DPH6: variants seen among roughly 807,000 people sequenced by gnomAD.
DPH6 encodes the protein diphthine--ammonia ligase.
DPH6 carries 33 observed loss-of-function variants against 38.2 expected under a neutral mutation model. That is an observed-to-expected ratio of 0.86 (90% confidence interval 0.65 to 1.15). The LOEUF (loss-of-function observed/expected upper bound fraction) is 1.15, where lower values mean the gene tolerates loss of function less well. Among genes scored for constraint, DPH6 ranks in the 50% most tolerant of loss-of-function variants. The pLI is 0.00. For synonymous variants in DPH6, 108 were observed against 103.0 expected (o/e 1.05, Z -0.30); for missense variants, 325 against 320.0 (o/e 1.02, Z -0.12).
chr15:35,479,656 C>G (rs1385468934), intron 3 of DPH6, among the ~76,000 whole-genome samples: 1 of 152,024 alleles, frequency 6.6e-6, no homozygotes, highest in Non-Finnish European at 1.5e-5. Flanking sequence ...CTGCCTCTTG[C>G]GATCCCCAGG....
At chr15:35,306,671 T>C (rs1224404706) in intron 3 of DPH6, among the ~76,000 whole-genome samples, 1 of 152,232 alleles carries the variant, frequency 6.6e-6, no homozygotes. Flanking sequence ...TAACCTCCCA[T>C]TCTGAGGCTA....
intron 3 of DPH6, among the ~76,000 whole-genome samples, chr15:35,503,648 G>A (rs1369772571): frequency 6.6e-6 from 1 of 152,004 alleles, no homozygotes; most frequent in Non-Finnish European, 1.5e-5. Context: ...TCAATTGATT[G>A]TTCCTTTTCT....
intron 5 of DPH6, among the ~76,000 whole-genome samples, chr15:35,419,460 T>C (rs757954911): frequency 6.6e-6 from 1 of 152,112 alleles, no homozygotes; most frequent in Non-Finnish European, 1.5e-5. Context: ...TTCTTTGCTT[T>C]GAATGTAAAT....
intron 7 of DPH6, among the ~76,000 whole-genome samples, chr15:35,375,229 C>T (rs1203481806): frequency 1.3e-5 from 2 of 152,040 alleles, no homozygotes; most frequent in Admixed American, 6.6e-5. Flanking sequence ...CTTAAATGAT[C>T]TGAATCAAGA....
chr15:35,538,172 G>T, intron 3 of DPH6, 102 bp downstream of exon 3: 1 of 1,039,678 alleles, frequency 9.6e-7, no homozygotes, highest in Non-Finnish European at 1.3e-6. Context: ...GAATAGTTGG[G>T]CTACTAACAA....
chr15:35,353,177 T>C (rs1056754352), intron 3 of DPH6, among the ~76,000 whole-genome samples: 24 of 152,224 alleles, frequency 1.6e-4, no homozygotes, highest in African/African-American at 5.3e-4. Context: ...TTCTAGATAT[T>C]AGCCCTTTGT....
Position 35,372,017 on chromosome 15 carries a change from T to C in DPH6, c.*133A>G, listed in dbSNP as rs797002715. 9 of 1,403,742 alleles carry C rather than the reference T, an allele frequency of 6.4e-6. 1 individual carries two copies. The African/African-American group carries it at 1.4e-4, about 21-fold the overall frequency. The allele number at this position is 1,403,742 out of a possible 1,614,324, so 87.0% of individuals were successfully genotyped here. ...AATAAATGGTTCCACTAACCTCTTC[T>C]AGTGAAAGTATGTTTCTCTAAAAAA... On this transcript the variant is annotated 3_prime_UTR_variant, in exon 9 of 9. Coordinates refer to ENST00000256538, the MANE Select transcript of DPH6 (RefSeq NM_080650.4).
the DPH6 span, among the ~76,000 whole-genome samples, chr15:35,148,921 T>C: frequency 6.6e-6 from 1 of 152,200 alleles, no homozygotes; most frequent in East Asian, 1.9e-4. Context: ...ACTCTGAATT[T>C]ATCATTCTTA....
the DPH6 span, among the ~76,000 whole-genome samples, chr15:35,199,211 C>T: frequency 1.3e-5 from 2 of 152,102 alleles, no homozygotes; most frequent in Admixed American, 6.5e-5. Context: ...CCACGCCCAG[C>T]GAATTTGTTG....
chr15:35,368,804 G>A (rs913868084), downstream of DPH6, among the ~76,000 whole-genome samples: 1 of 151,736 alleles, frequency 6.6e-6, no homozygotes, highest in Non-Finnish European at 1.5e-5. Flanking sequence ...TACATAATGA[G>A]AATGACATGT....
intron 3 of DPH6, among the ~76,000 whole-genome samples, chr15:35,332,567 T>C (rs1243389069): frequency 6.6e-6 from 1 of 152,156 alleles, no homozygotes; most frequent in Non-Finnish European, 1.5e-5. Flanking sequence ...GCAGTTAAAA[T>C]AGCTCAGGCC....
At position 35,403,603 on chromosome 15, in the gene DPH6, T is replaced by C. The variant is rs542784808; in HGVS notation, c.567+7232A>G. ...ATGGCTCATGGCAGCCTCGACTTCC[T>C]GGACTCAGGTGATCCTCACACCTCA... is the stretch of plus-strand genomic sequence containing the variant. On this transcript the variant is annotated intron_variant, in intron 6 of 8. Coordinates refer to ENST00000256538, the MANE Select transcript of DPH6 (RefSeq NM_080650.4). 5.9e-5 allele frequency among the ~76,000 whole-genome samples: 9 copies of C among 152,162 alleles called. No homozygotes were observed. In the South Asian group the frequency reaches 1.0e-3, roughly 18 times the overall value.
intron 3 of DPH6, among the ~76,000 whole-genome samples, chr15:35,282,331 C>T (rs542405069): frequency 6.6e-6 from 1 of 152,234 alleles, no homozygotes; most frequent in Admixed American, 6.5e-5. Flanking sequence ...GCTGCTACAA[C>T]TGGCTAATTT....
At chr15:35,164,406 AT>A in the DPH6 span, among the ~76,000 whole-genome samples, 1 of 151,640 alleles carries the variant, frequency 6.6e-6, no homozygotes, top group Non-Finnish European at 1.5e-5. Context: ...ATTTATTTTT[AT>A]TTTTTGGAGC....
the DPH6 span, among the ~76,000 whole-genome samples, chr15:35,205,799 T>C: frequency 6.6e-6 from 1 of 152,118 alleles, no homozygotes; most frequent in African/African-American, 2.4e-5. Context: ...TATAACTACA[T>C]GTAAAAACCT....
chr15:35,304,809 A>G (rs573354728), intron 3 of DPH6, among the ~76,000 whole-genome samples: 13 of 152,120 alleles, frequency 8.5e-5, no homozygotes, highest in African/African-American at 2.9e-4. Context: ...AAAAAAAACA[A>G]AACTCAGCAA....
chr15:35,427,445 C>T (rs150526426), intron 5 of DPH6, among the ~76,000 whole-genome samples: 336 of 151,590 alleles, frequency 2.2e-3, no homozygotes, highest in African/African-American at 7.7e-3. Context: ...TGCGATTTTG[C>T]TAATATGAAG....
chr15:35,167,378 T>C, the DPH6 span, among the ~76,000 whole-genome samples: 1 of 151,790 alleles, frequency 6.6e-6, no homozygotes. Flanking sequence ...AAAAGGACAT[T>C]GAGGCTTTGA....
At chr15:35,319,311 A>T (rs1011465968) in intron 3 of DPH6, among the ~76,000 whole-genome samples, 8 of 152,154 alleles carry the variant, frequency 5.3e-5, no homozygotes, top group Non-Finnish European at 1.2e-4. Flanking sequence ...CTTAATGTAG[A>T]TGCTGAAAAA....
Sources: allele counts gnomAD v4.1 joint callset (sites outside exome capture counted in the v4.1 genomes callset), GRCh38; gene constraint gnomAD v4.1.1; transcripts MANE v1.5; gene names NCBI Gene and HGNC (gene_info 2026-07-23, HGNC 2026-07-21).